WDFY3: variants seen among roughly 807,000 people sequenced by gnomAD.
WDFY3 encodes the protein WD repeat and FYVE domain containing 3.
WDFY3 carries 66 observed loss-of-function variants against 409.6 expected under a neutral mutation model. The ratio of observed to expected loss-of-function variants is 0.16; its 90% CI spans 0.13 to 0.20. WDFY3 has a LOEUF of 0.20. WDFY3 is among the 10% of genes least tolerant of loss of function. The pLI is 1.00. For synonymous variants in WDFY3, 1,521 were observed against 1,537.1 expected, an observed-to-expected ratio of 0.99 and a Z score of 0.25; for missense variants, 3,031 against 4,298.1, an observed-to-expected ratio of 0.71 and a Z score of 8.24.
rs777385550 is a variant in WDFY3, at chr4:84,783,025, T to C, written c.4112A>G (p.Asn1371Ser). The C allele has an allele frequency of 2.7e-5, 44 of 1,614,060 alleles. No individual in the cohort carries two copies. The highest frequency in any genetic ancestry group is 5.0e-5 in the Admixed American group (3 of 60,006). The change falls in exon 25 of 68, where the codon AAT becomes AGT. Residue 1371 changes from asparagine to serine, a missense_variant. Around this residue, in one of 16 missense-constraint regions of WDFY3, gnomAD observed 1,322 missense variants for 1,697.9 expected, o/e 0.78. Transcript: ENST00000295888. ...AGATCCATTAAGATGTCCTGCTGAATTGTGTATCAACTTCACAGGAGTGGC... is the reference window on the plus strand; with the variant it reads ...AGATCCATTAAGATGTCCTGCTGAACTGTGTATCAACTTCACAGGAGTGGC... ...ENATPVKLIH[N>S]SAGHLNGSAR... is the part of the protein sequence containing the mutation.
intron 36 of WDFY3, among the ~76,000 whole-genome samples, chr4:84,747,200 A>T (rs1463928990): frequency 3.9e-5 from 6 of 152,184 alleles, no homozygotes; most frequent in South Asian, 2.1e-4. Context: ...GACACTACCC[A>T]GGATCTTTGT....
Position 84,841,335 on chromosome 4 carries a change from C to T in WDFY3, c.305-72G>A, listed in dbSNP as rs1757324452. On this transcript the variant is annotated intron_variant, in intron 5 of 67. Coordinates refer to ENST00000295888, the MANE Select transcript of WDFY3 (RefSeq NM_014991.6). ...TAAAGAGGTTCTTCTTTAAAACCTACCAAGGAAATGAAAATTTACTAAGCA... is the reference window on the plus strand; with the variant it reads ...TAAAGAGGTTCTTCTTTAAAACCTATCAAGGAAATGAAAATTTACTAAGCA... 7.6e-6 allele frequency: 10 copies of T among 1,313,406 alleles called. No individual in the cohort carries two copies. In the South Asian group the frequency reaches 1.2e-4, roughly 15 times the overall value. The allele number at this position is 1,313,406 out of a possible 1,614,324, so 81.4% of individuals were successfully genotyped here.
At chr4:84,841,004 G>A in intron 6 of WDFY3, 150 bp downstream of exon 6, 1 of 682,216 alleles carries the variant, frequency 1.5e-6, no homozygotes, top group Non-Finnish European at 2.4e-6. Flanking sequence ...GTTATGAGAA[G>A]CATGAAATAA....
At chr4:84,959,971 A>C (rs1316525217) in intron 1 of WDFY3, among the ~76,000 whole-genome samples, 1 of 152,222 alleles carries the variant, frequency 6.6e-6, no homozygotes, top group African/African-American at 2.4e-5. Context: ...GATGAGTTCA[A>C]AGATAATATG....
chr4:84,840,548 T>C (rs1324134752), intron 6 of WDFY3, among the ~76,000 whole-genome samples: 2 of 152,126 alleles, frequency 1.3e-5, no homozygotes, highest in Non-Finnish European at 2.9e-5. Context: ...AAATAGTCCA[T>C]CTGTTTGCCC....
At chr4:84,864,438 A>C (rs546136957) in intron 3 of WDFY3, among the ~76,000 whole-genome samples, 1 of 152,118 alleles carries the variant, frequency 6.6e-6, no homozygotes, top group Non-Finnish European at 1.5e-5. Context: ...CTTAATCTAC[A>C]GATCATTTTC....
intron 22 of WDFY3, 109 bp downstream of exon 22, chr4:84,789,617 T>A (rs141616304): frequency 1.2e-5 from 14 of 1,201,652 alleles, no homozygotes; most frequent in African/African-American, 6.3e-5. Flanking sequence ...AAAGTAATTT[T>A]AAAAATATCC....
intron 21 of WDFY3, among the ~76,000 whole-genome samples, chr4:84,793,562 C>A (rs886946378): frequency 1.3e-5 from 2 of 152,044 alleles, no homozygotes; most frequent in Admixed American, 6.6e-5. Context: ...TTCTGAGGGG[C>A]AGATAGAAGA....
chr4:84,744,724 G>C (rs915925178), intron 36 of WDFY3, among the ~76,000 whole-genome samples: 5 of 149,430 alleles, frequency 3.3e-5, no homozygotes, highest in African/African-American at 1.2e-4. Flanking sequence ...GTAGTGGCGG[G>C]CGCCTGTAGT....
intron 7 of WDFY3, 97 bp downstream of exon 7, chr4:84,836,832 T>C (rs774459278): frequency 3.7e-6 from 4 of 1,095,020 alleles, no homozygotes; most frequent in Non-Finnish European, 4.9e-6. Flanking sequence ...TAAAATGAAA[T>C]ATGAGTTAAA....
chr4:84,682,289 T>G, intron 64 of WDFY3, 85 bp downstream of exon 64: 6 of 1,295,532 alleles, frequency 4.6e-6, no homozygotes, highest in Non-Finnish European at 4.3e-6. Context: ...GGGCTCCTCT[T>G]TATGTTGTTT....
intron 15 of WDFY3, 130 bp from the exon 16 acceptor site, chr4:84,803,597 GAATAT>G (rs1751014455): frequency 9.9e-7 from 1 of 1,013,720 alleles, no homozygotes. Flanking sequence ...AGAAAAAAAG[GAATAT>G]ATTATCAACT....
rs182245533 is a variant in WDFY3, at chr4:84,912,281, C to T, written c.-131-15271G>A. ...GATTGAGGTCTGCAGGTACAGCTGC[C>T]GACTATTTCAAGAAAAACAAATCTA... On this transcript the variant is annotated intron_variant, in intron 2 of 67. Transcript: ENST00000295888. 3.2e-4 allele frequency among the ~76,000 whole-genome samples: 48 copies of T among 152,154 alleles called. 1 individual carries two copies. In the East Asian group the frequency reaches 7.7e-3, roughly 25 times the overall value.
rs1725522951 is a variant in WDFY3 at position 84,672,114 on chromosome 4, A to G, written c.*754T>C. ...GCGTAGCCAGGTACAAGACGCCCAA[A>G]TATTTCCAGTTTATCTTACGGCTGG... On this transcript the variant is annotated 3_prime_UTR_variant, in exon 68 of 68. Coordinates refer to ENST00000295888, the MANE Select transcript of WDFY3 (RefSeq NM_014991.6). 1.3e-5 allele frequency: 2 copies of G among 152,184 alleles called. No homozygotes were observed. Among genetic ancestry groups the G allele is most frequent in the South Asian group, 2.1e-4 (1 of 4,830 alleles). 9.4% of individuals were successfully genotyped at this position (152,184 alleles called of 1,614,324 possible).
rs1741570497 is a variant in WDFY3, at chr4:84,756,927, T to C, written c.5423A>G (p.Gln1808Arg). 9.9e-6 allele frequency: 16 copies of C among 1,613,234 alleles called. No homozygotes were observed. The highest frequency in any genetic ancestry group is 1.4e-5 in the Non-Finnish European group (16 of 1,179,400). Residue 1808 changes from glutamine to arginine, a missense_variant and splice_region_variant, in exon 33 of 68, where the codon CAG becomes CGG. Gln to Arg is a conservative substitution (Grantham distance 43). This residue lies in a region of WDFY3 where 342 missense variants were observed against 463.7 expected (regional missense o/e 0.74). Transcript: ENST00000295888. Reference protein sequence around the residue: ...VISCRSKQGCQFDLDSIWTFI... With the variant: ...VISCRSKQGCRFDLDSIWTFI... ...CACCCCTTGCTAGATAATTCCTACC[T>C]GGCAACCCTGCTTACTCCGGCAGCT...
In WDFY3 at chr4:84,800,158, C is replaced by G. The variant is rs1278075536; in HGVS notation, c.2822+1492G>C. Among the ~76,000 whole-genome samples, 7 of 152,290 alleles carry G rather than the reference C, an allele frequency of 4.6e-5. No individual in the cohort carries two copies. In the East Asian group the frequency reaches 1.4e-3, roughly 29 times the overall value. ...GGCATTATAAAGGCCGTGAACACAG[C>G]CTGATACAACACCATTTAACAAATG... On this transcript the variant is annotated intron_variant, in intron 17 of 67. Transcript: ENST00000295888.
chr4:84,890,584 C>T (rs1764815778), intron 3 of WDFY3, among the ~76,000 whole-genome samples: 1 of 152,176 alleles, frequency 6.6e-6, no homozygotes, highest in African/African-American at 2.4e-5. Flanking sequence ...CTGGAGCAAG[C>T]AGCAGTAGAG....
chr4:84,892,014 T>C (rs1043965951), intron 3 of WDFY3, among the ~76,000 whole-genome samples: 2 of 147,704 alleles, frequency 1.4e-5, no homozygotes, highest in African/African-American at 5.2e-5. Flanking sequence ...TTTAGAAAAA[T>C]GGCCTTCAAT....
chr4:84,764,400 G>T (rs999272774), intron 32 of WDFY3, among the ~76,000 whole-genome samples: 1 of 152,142 alleles, frequency 6.6e-6, no homozygotes, highest in African/African-American at 2.4e-5. Context: ...GAGCACAAAA[G>T]TACCCATGAT....
Sources: gnomAD v4.1 joint callset for allele counts (sites outside exome capture counted in the v4.1 genomes callset) on GRCh38, gnomAD v4.1.1 for gene constraint, gnomAD v4.1.1 regional missense constraint, MANE v1.5 for transcripts, NCBI Gene and HGNC (gene_info 2026-07-23, HGNC 2026-07-21) for gene names.